FGL1: variants seen among roughly 807,000 people sequenced by gnomAD.
The protein encoded by FGL1 is fibrinogen-like protein 1.
A neutral mutation model predicts 43.7 loss-of-function variants in FGL1; 59 were observed. That is an observed-to-expected ratio of 1.35 (90% CI 1.10 to 1.68). FGL1 has a LOEUF of 1.68. Among genes scored for constraint, FGL1 ranks in the 40% most tolerant of loss-of-function variants. FGL1 has a pLI of 0.00. For missense variants in FGL1, 596 were observed against 373.0 expected, an observed-to-expected ratio of 1.60 and a Z score of -4.92; for synonymous variants, 192 against 126.5, an observed-to-expected ratio of 1.52 and a Z score of -3.48.
Position 17,883,248 on chromosome 8 carries a change from A to C in FGL1, c.64-1069T>G, listed in dbSNP as rs1392613737. ...ATATATAATATATTAAATAATATATAATATATATCATATATAATATATTAA... is the reference window on the plus strand; with the variant it reads ...ATATATAATATATTAAATAATATATCATATATATCATATATAATATATTAA... On this transcript the variant is annotated intron_variant, in intron 2 of 7. Transcript: ENST00000427924. Among the ~76,000 whole-genome samples the C allele has an allele frequency of 7.7e-4, 57 of 74,314 alleles. No homozygotes were observed. In the East Asian group the frequency reaches 9.8e-3, roughly 13 times the overall value. The allele number at this position is 74,314 out of a possible 152,430, so 48.8% of individuals were successfully genotyped here.
In FGL1 at chr8:17,891,758, T is replaced by C. The variant is rs2053708228; in HGVS notation, c.-18+3689A>G. The C allele has an allele frequency of 3.0e-6, 3 of 983,634 alleles. No individual in the cohort carries two copies. In the Admixed American group the frequency reaches 1.8e-4, roughly 60 times the overall value. 60.9% of individuals were successfully genotyped at this position (983,634 alleles called of 1,614,324 possible). A position where few individuals can be genotyped will look rare whatever the true frequency, so the allele number is the denominator to read the frequency against. On this transcript the variant is annotated intron_variant, in intron 1 of 7. Coordinates refer to ENST00000427924, the MANE Select transcript of FGL1 (RefSeq NM_004467.4). Reference sequence around the variant, plus strand: ...GCTTATGGGAGATCAAATTCTTTTGTGTCTGTTGAATTTATAAGATGTCTT... The same window carrying C: ...GCTTATGGGAGATCAAATTCTTTTGCGTCTGTTGAATTTATAAGATGTCTT...
chr8:17,878,891 A>T (rs2053495056), intron 3 of FGL1, among the ~76,000 whole-genome samples: 1 of 150,994 alleles, frequency 6.6e-6, no homozygotes, highest in Non-Finnish European at 1.5e-5. Context: ...TATATATTTT[A>T]TACCATATTA....
At chr8:17,890,238 G>A (rs1309087434) in intron 1 of FGL1, among the ~76,000 whole-genome samples, 2 of 152,132 alleles carry the variant, frequency 1.3e-5, no homozygotes, top group East Asian at 1.9e-4. Context: ...GCTACCAATG[G>A]AAGATTCCAA....
At chr8:17,869,998 T>A (rs911551509) in intron 5 of FGL1, among the ~76,000 whole-genome samples, 17 of 152,016 alleles carry the variant, frequency 1.1e-4, no homozygotes, top group Non-Finnish European at 2.2e-4. Flanking sequence ...TAGTCCCAGC[T>A]ACTTGGGAGG....
intron 3 of FGL1, among the ~76,000 whole-genome samples, chr8:17,880,088 C>T (rs530352048): frequency 4.6e-5 from 7 of 152,270 alleles, no homozygotes; most frequent in Non-Finnish European, 8.8e-5. Flanking sequence ...CATTTTTACC[C>T]GAACTGTCCC....
At chr8:17,881,145 T>A (rs2053529331) in intron 3 of FGL1, among the ~76,000 whole-genome samples, 2 of 151,284 alleles carry the variant, frequency 1.3e-5, no homozygotes, top group Admixed American at 6.6e-5. Flanking sequence ...CGGATTTTTT[T>A]TTTTTTTTTG....
chr8:17,864,511 C>A lies in FGL1; in HGVS notation c.*81G>T. ...ACTCACAACAGTTATCATGATTGCG[C>A]ATGGATATGTTCAGAATGAGTATTT... On this transcript the variant is annotated 3_prime_UTR_variant, in exon 8 of 8. Coordinates refer to ENST00000427924, the MANE Select transcript of FGL1 (RefSeq NM_004467.4). The A allele has an allele frequency of 1.4e-6, 2 of 1,418,910 alleles. No homozygotes were observed. Among genetic ancestry groups the A allele is most frequent in the South Asian group, 1.4e-5 (1 of 69,970 alleles). 87.9% of individuals were successfully genotyped at this position (1,418,910 alleles called of 1,614,324 possible).
chr8:17,883,406 T>C (rs1239327209), intron 2 of FGL1, among the ~76,000 whole-genome samples: 7 of 117,336 alleles, frequency 6.0e-5, no homozygotes, highest in Non-Finnish European at 1.1e-4. Flanking sequence ...ATATATAATA[T>C]ATATTACAAA....
At chr8:17,891,905 A>AT (rs1250497960) in intron 1 of FGL1, 1 of 463,228 alleles carries the variant, frequency 2.2e-6, no homozygotes, top group Non-Finnish European at 2.8e-6. Context: ...GTAACAGCTT[A>AT]TTTTGGTTTT....
At position 17,886,596 on chromosome 8, in the gene FGL1, A is replaced by G. The variant is rs370645671; in HGVS notation, c.-17-1025T>C. 1.8e-4 allele frequency among the ~76,000 whole-genome samples: 28 copies of G among 152,204 alleles called. No individual in the cohort carries two copies. In the East Asian group the frequency reaches 2.7e-3, roughly 15 times the overall value. ...AACATGGCGAAACCCTGTCTCTACT[A>G]AAAATACAAAAATTAGCCAGGCGTG... On this transcript the variant is annotated intron_variant, in intron 1 of 7. Transcript: ENST00000427924.
Position 17,874,385 on chromosome 8 carries a change from A to C in FGL1, c.381T>G (p.Ser127=), listed in dbSNP as rs1247491558. ...GGGWTVIQRR[S]DGSENFNRGW... ...ACCTGTTAAAGTTTTCACTGCCATCAGATCGTCTCTGAATTACAGTCCATC... is the reference window on the plus strand; with the variant it reads ...ACCTGTTAAAGTTTTCACTGCCATCCGATCGTCTCTGAATTACAGTCCATC... Residue 127 remains serine (S), a synonymous_variant, in exon 4 of 8, where the codon TCT becomes TCG. Coordinates refer to ENST00000427924, the MANE Select transcript of FGL1 (RefSeq NM_004467.4). The C allele has an allele frequency of 1.2e-5, 19 of 1,613,434 alleles. No homozygotes were observed. Among genetic ancestry groups the C allele is most frequent in the Non-Finnish European group, 1.6e-5 (19 of 1,179,806 alleles).
At chr8:17,879,254 G>A (rs2053500251) in intron 3 of FGL1, among the ~76,000 whole-genome samples, 1 of 151,888 alleles carries the variant, frequency 6.6e-6, no homozygotes, top group South Asian at 2.1e-4. Context: ...TGCTTGTACA[G>A]TTAATCCTGC....
chr8:17,882,943 A>T (rs1472334076), intron 2 of FGL1, among the ~76,000 whole-genome samples: 2 of 99,176 alleles, frequency 2.0e-5, no homozygotes, highest in Non-Finnish European at 3.4e-5. Flanking sequence ...AATATATTAA[A>T]TAATATATAA....
chr8:17,893,023 A>T lies in FGL1; in HGVS notation c.-18+2424T>A, dbSNP rs1338846421. Among the ~76,000 whole-genome samples, 3 of 152,186 alleles carry T rather than the reference A, an allele frequency of 2.0e-5. No individual in the cohort carries two copies. The East Asian group carries it at 5.8e-4, about 29-fold the overall frequency. ...AGACCAGCATGGCCAACATGGCAAA[A>T]CCCCGTCCCTACTAAAAATACAAAG... On this transcript the variant is annotated intron_variant, in intron 1 of 7. Transcript: ENST00000427924.
chr8:17,868,175 C>T (rs927563391), intron 7 of FGL1, among the ~76,000 whole-genome samples: 1 of 152,070 alleles, frequency 6.6e-6, no homozygotes, highest in Non-Finnish European at 1.5e-5. Context: ...AACGGTGGCT[C>T]TTTTGTGTGA....
rs376054888 is a variant in FGL1 at position 17,874,482 on chromosome 8, C to G, written c.284G>C (p.Gly95Ala). The change falls in exon 4 of 8, where the codon GGA (glycine) becomes GCA (alanine). Residue 95 changes from glycine to alanine, a missense_variant. Physicochemically the swap from Gly to Ala is moderately conservative, Grantham distance 60. Coordinates refer to ENST00000427924, the MANE Select transcript of FGL1 (RefSeq NM_004467.4). Reference protein sequence around the residue: ...EIFNDGYKLSGFYKIKPLQSP... With the variant: ...EIFNDGYKLSAFYKIKPLQSP... ...CTGGAGAGGTTTGATTTTGTAAAAT[C>G]CACTGAGCTTATACCCATCATTGAA... 165 of 1,613,778 alleles carry G rather than the reference C, an allele frequency of 1.0e-4. No individual in the cohort carries two copies. The highest frequency in any genetic ancestry group is 1.6e-4 in the Middle Eastern group (1 of 6,082).
At chr8:17,870,771 T>C (rs955862487) in intron 5 of FGL1, among the ~76,000 whole-genome samples, 4 of 151,966 alleles carry the variant, frequency 2.6e-5, no homozygotes, top group Non-Finnish European at 5.9e-5. Flanking sequence ...CTGGGCATGG[T>C]GGCACGTGCC....
rs1455576374 is a variant in FGL1, at chr8:17,882,963, TATATAATATATTAA to T, written c.64-798_64-785del. ...ATTAAATAATATATAATATATATCA[TATATAATATATTAA>T]ATATATAATATATATCATATGTAAT... On this transcript the variant is annotated intron_variant, in intron 2 of 7. Transcript: ENST00000427924. Among the ~76,000 whole-genome samples, 28 of 101,178 alleles carry T rather than the reference TATATAATATATTAA, an allele frequency of 2.8e-4. No individual in the cohort carries two copies. In the South Asian group the frequency reaches 8.2e-3, roughly 30 times the overall value. 66.4% of individuals were successfully genotyped at this position (101,178 alleles called of 152,430 possible). A position where few individuals can be genotyped will look rare whatever the true frequency, so the allele number is the denominator to read the frequency against.
At chr8:17,881,377 C>T (rs999772985) in intron 3 of FGL1, among the ~76,000 whole-genome samples, 43 of 151,728 alleles carry the variant, frequency 2.8e-4, no homozygotes, top group African/African-American at 7.7e-4. Context: ...CCTTGTAATC[C>T]GCCCACCTAG....
Sources: gnomAD v4.1 joint callset for allele counts (sites outside exome capture counted in the v4.1 genomes callset) on GRCh38, gnomAD v4.1.1 for gene constraint, MANE v1.5 for transcripts, NCBI Gene and HGNC (gene_info 2026-07-23, HGNC 2026-07-21) for gene names.